The following MYO3A variants were observed in gnomAD, a reference collection of about 807,000 sequenced individuals.
The protein encoded by MYO3A is myosin-IIIa.
A neutral mutation model predicts 192.7 loss-of-function variants in MYO3A; 180 were observed. The observed-to-expected ratio is 0.93, with a 90% CI of 0.83 to 1.06. MYO3A has a LOEUF of 1.06. Ranked by LOEUF, MYO3A falls within the 50% of genes least tolerant of loss-of-function variation. The pLI is 0.00. For synonymous variants in MYO3A, 628 were observed against 645.3 expected, an observed-to-expected ratio of 0.97 and a Z score of 0.41; for missense variants, 1,896 against 1,905.0, an observed-to-expected ratio of 1.00 and a Z score of 0.09.
intron 14 of MYO3A, among the ~76,000 whole-genome samples, chr10:26,077,637 C>T (rs1835675759): frequency 6.6e-6 from 1 of 152,110 alleles, no homozygotes; most frequent in South Asian, 2.1e-4. Context: ...GTGGGTTTGT[C>T]ATAGATGGCT....
At chr10:26,100,074 T>C (rs901374300) in intron 17 of MYO3A, among the ~76,000 whole-genome samples, 11 of 152,226 alleles carry the variant, frequency 7.2e-5, no homozygotes, top group Non-Finnish European at 1.5e-4. Context: ...TATTAATTAT[T>C]GCCTCAATTT....
At chr10:26,135,452 G>A (rs1310649135) in intron 20 of MYO3A, among the ~76,000 whole-genome samples, 1 of 151,998 alleles carries the variant, frequency 6.6e-6, no homozygotes, top group African/African-American at 2.4e-5. Context: ...GAAAAGCCAA[G>A]GAGAATCAAC....
chr10:26,163,395 C>T (rs963830939), intron 26 of MYO3A, among the ~76,000 whole-genome samples: 13 of 152,168 alleles, frequency 8.5e-5, no homozygotes, highest in Admixed American at 2.6e-4. Flanking sequence ...GAGCTGTGGA[C>T]GGTGGCTGGG....
In MYO3A at chr10:26,170,561, T is replaced by C. The variant is rs375423896; in HGVS notation, c.3398+22T>C. 1.8e-5 allele frequency: 28 copies of C among 1,599,616 alleles called. No homozygotes were observed. The East Asian group carries it at 3.6e-4, about 20-fold the overall frequency. The stretch of plus-strand genomic sequence containing the variant: ...CAAGGTATAATGATGTTCATTCTTA[T>C]ACCGTTGTAACATATAGATTTTTCA... On this transcript the variant is annotated intron_variant, in intron 29 of 34. Coordinates refer to ENST00000642920, the MANE Select transcript of MYO3A (RefSeq NM_017433.5).
chr10:26,191,094 A>C (rs934978041), intron 31 of MYO3A, among the ~76,000 whole-genome samples: 1 of 152,228 alleles, frequency 6.6e-6, no homozygotes, highest in African/African-American at 2.4e-5. Flanking sequence ...TTCTAAAAAT[A>C]TTAAGAATAT....
At chr10:26,161,245 C>T (rs1262769133) in intron 26 of MYO3A, among the ~76,000 whole-genome samples, 2 of 152,214 alleles carry the variant, frequency 1.3e-5, no homozygotes, top group Non-Finnish European at 2.9e-5. Flanking sequence ...TGCTAATCCT[C>T]TGCATAGGAT....
chr10:26,139,832 C>T (rs529154822), intron 20 of MYO3A, among the ~76,000 whole-genome samples: 2 of 152,012 alleles, frequency 1.3e-5, no homozygotes, highest in Non-Finnish European at 2.9e-5. Flanking sequence ...GCAGAGGTTG[C>T]AGGGAGCTGA....
At chr10:26,166,346 C>T (rs2131992723) in intron 27 of MYO3A, 168 bp downstream of exon 27, 1 of 679,726 alleles carries the variant, frequency 1.5e-6, no homozygotes. Context: ...TTTTCGTCAA[C>T]ATTAAAGGCT....
chr10:25,991,475 C>T (rs866162633), intron 4 of MYO3A, among the ~76,000 whole-genome samples: 1 of 152,148 alleles, frequency 6.6e-6, no homozygotes, highest in African/African-American at 2.4e-5. Context: ...CCTGTTCACT[C>T]TGATGGTAGT....
rs1394904897 is a variant in MYO3A at position 26,101,217 on chromosome 10, A to T, written c.1776+4535A>T. ...TGTTTTATCAGAGACTAGGATTGCA[A>T]CCCCTGCATTTTTTTGTTTTCCATT... On this transcript the variant is annotated intron_variant, in intron 17 of 34. Transcript: ENST00000642920. 3.9e-5 allele frequency among the ~76,000 whole-genome samples: 6 copies of T among 152,106 alleles called. No individual in the cohort carries two copies. The East Asian group carries it at 1.2e-3, about 29-fold the overall frequency.
chr10:25,983,358 C>T (rs1839450454), intron 4 of MYO3A, among the ~76,000 whole-genome samples: 1 of 151,816 alleles, frequency 6.6e-6, no homozygotes, highest in African/African-American at 2.4e-5. Flanking sequence ...CGGGTTCATG[C>T]CATTCTCCTG....
intron 4 of MYO3A, among the ~76,000 whole-genome samples, chr10:25,956,963 T>C (rs973415225): frequency 5.3e-5 from 8 of 152,184 alleles, no homozygotes; most frequent in African/African-American, 1.4e-4. Flanking sequence ...GCTCCACTTA[T>C]AGGTGAGAAC....
chr10:26,197,835 G>A (rs980945698), intron 32 of MYO3A, among the ~76,000 whole-genome samples: 1 of 152,194 alleles, frequency 6.6e-6, no homozygotes, highest in Admixed American at 6.5e-5. Flanking sequence ...CAAAGTGCTG[G>A]AATTACAGGC....
chr10:26,014,773 C>G (rs1841891340), intron 6 of MYO3A, among the ~76,000 whole-genome samples: 1 of 152,080 alleles, frequency 6.6e-6, no homozygotes, highest in Non-Finnish European at 1.5e-5. Context: ...TTTATAGTTT[C>G]AGTTCTCATT....
intron 6 of MYO3A, among the ~76,000 whole-genome samples, chr10:26,014,785 C>A (rs35769796): frequency 0.31 from 47,417 of 151,960 alleles, 7,921 homozygotes; most frequent in Middle Eastern, 0.45. Context: ...GTTCTCATTC[C>A]TACAGTATTT....
At chr10:26,021,868 G>C (rs1842326439) in intron 8 of MYO3A, 2 of 583,564 alleles carry the variant, frequency 3.4e-6, no homozygotes, top group Non-Finnish European at 6.0e-6. Context: ...TAATCAGTGT[G>C]TCTTTCTCTC....
chr10:26,123,260 A>G (rs1413860430), intron 18 of MYO3A, among the ~76,000 whole-genome samples: 1 of 152,198 alleles, frequency 6.6e-6, no homozygotes, highest in Non-Finnish European at 1.5e-5. Context: ...AAAAAAAGAA[A>G]GCATAAATAA....
chr10:25,994,717 T>G (rs1429574593), intron 4 of MYO3A, among the ~76,000 whole-genome samples: 2 of 152,186 alleles, frequency 1.3e-5, no homozygotes, highest in Non-Finnish European at 2.9e-5. Context: ...GGTGACAAAA[T>G]CTCTCGGCAT....
intron 4 of MYO3A, among the ~76,000 whole-genome samples, chr10:25,992,957 G>T (rs1054716882): frequency 6.6e-6 from 1 of 152,064 alleles, no homozygotes; most frequent in African/African-American, 2.4e-5. Flanking sequence ...AGGGATATTG[G>T]TCTAAAATTC....
Sources: gnomAD v4.1 joint callset for allele counts (sites outside exome capture counted in the v4.1 genomes callset) on GRCh38, gnomAD v4.1.1 for gene constraint, MANE v1.5 for transcripts, NCBI Gene and HGNC (gene_info 2026-07-23, HGNC 2026-07-21) for gene names.